Variants in RABGAP1L observed in about 807,000 individuals in gnomAD.
RABGAP1L encodes rab GTPase-activating protein 1-like.
In RABGAP1L, 63 loss-of-function variants were observed where a neutral mutation model predicts 137.7. That is an observed-to-expected ratio of 0.46 (90% CI 0.37 to 0.56). RABGAP1L has a LOEUF of 0.56. Ranked by LOEUF, RABGAP1L falls within the 20% of genes least tolerant of loss-of-function variation. The pLI is 0.00. For missense variants in RABGAP1L, 1,095 were observed against 1,244.0 expected (o/e 0.88, Z 1.80); for synonymous variants, 431 against 433.7 (o/e 0.99, Z 0.08).
chr1:174,712,219 A>G (rs1469508410), intron 17 of RABGAP1L, among the ~76,000 whole-genome samples: 2 of 152,198 alleles, frequency 1.3e-5, no homozygotes, highest in African/African-American at 4.8e-5. Context: ...AGAGAATAAA[A>G]GCAGGCTGCC....
chr1:174,827,366 G>A (rs924341992), intron 19 of RABGAP1L, among the ~76,000 whole-genome samples: 1 of 151,966 alleles, frequency 6.6e-6, no homozygotes, highest in African/African-American at 2.4e-5. Context: ...CCACCCTAAG[G>A]ACCCATTTTA....
chr1:174,340,294 T>G (rs1266878191), intron 11 of RABGAP1L, among the ~76,000 whole-genome samples: 1 of 152,226 alleles, frequency 6.6e-6, no homozygotes, highest in Non-Finnish European at 1.5e-5. Context: ...AATGTTATCC[T>G]TAGTTCTTCC....
chr1:174,457,724 A>T (rs531780175), intron 13 of RABGAP1L, among the ~76,000 whole-genome samples: 1 of 152,216 alleles, frequency 6.6e-6, no homozygotes, highest in Admixed American at 6.5e-5. Flanking sequence ...GCTGGTCTCA[A>T]ACTCCTGAAC....
At chr1:174,806,729 C>T (rs1354045879) in intron 18 of RABGAP1L, among the ~76,000 whole-genome samples, 1 of 152,224 alleles carries the variant, frequency 6.6e-6, no homozygotes, top group East Asian at 1.9e-4. Context: ...ATAAACAGCA[C>T]TACTACTTGT....
chr1:174,213,432 CA>C (rs1669054580), intron 1 of RABGAP1L, among the ~76,000 whole-genome samples: 1 of 151,916 alleles, frequency 6.6e-6, no homozygotes, highest in Non-Finnish European at 1.5e-5. Flanking sequence ...CAAACTATTC[CA>C]AAAAATAGAG....
At chr1:174,677,799 G>C (rs572085530) in intron 14 of RABGAP1L, among the ~76,000 whole-genome samples, 1 of 152,160 alleles carries the variant, frequency 6.6e-6, no homozygotes, top group African/African-American at 2.4e-5. Context: ...CAAGTTTATA[G>C]CTTTAAATGC....
At chr1:174,165,347 G>A (rs1023002086) in intron 1 of RABGAP1L, among the ~76,000 whole-genome samples, 1 of 152,074 alleles carries the variant, frequency 6.6e-6, no homozygotes, top group South Asian at 2.1e-4. Context: ...ACGGGGTTTC[G>A]CCATGTTGGC....
chr1:174,613,617 A>G (rs1288152056), intron 13 of RABGAP1L, among the ~76,000 whole-genome samples: 1 of 151,960 alleles, frequency 6.6e-6, no homozygotes, highest in Admixed American at 6.5e-5. Flanking sequence ...ATCCTTGTTA[A>G]CTTTCTGTCT....
At chr1:174,901,159 T>C (rs943835405) in intron 19 of RABGAP1L, among the ~76,000 whole-genome samples, 3 of 152,230 alleles carry the variant, frequency 2.0e-5, no homozygotes, top group African/African-American at 7.2e-5. Flanking sequence ...GTTATGTTCC[T>C]CTCTAACCTG....
intron 1 of RABGAP1L, among the ~76,000 whole-genome samples, chr1:174,172,365 C>T (rs1339291341): frequency 6.6e-6 from 1 of 152,062 alleles, no homozygotes. Flanking sequence ...TGGGTGTATA[C>T]CCAGCAGAGG....
chr1:174,210,498 A>C (rs1409357159), intron 1 of RABGAP1L, among the ~76,000 whole-genome samples: 1 of 152,246 alleles, frequency 6.6e-6, no homozygotes, highest in Admixed American at 6.5e-5. Context: ...AGCCGAAGGA[A>C]GAATTTGTGA....
At chr1:174,382,836 A>G (rs1223102037) in intron 12 of RABGAP1L, among the ~76,000 whole-genome samples, 1 of 151,908 alleles carries the variant, frequency 6.6e-6, no homozygotes, top group Non-Finnish European at 1.5e-5. Flanking sequence ...CTGGTGAGGA[A>G]CTGCGTTCCT....
chr1:174,867,534 C>T (rs1651485823), intron 19 of RABGAP1L, among the ~76,000 whole-genome samples: 1 of 152,130 alleles, frequency 6.6e-6, no homozygotes. Flanking sequence ...AATTGAATCT[C>T]CTGTCTTTTC....
At chr1:174,205,721 A>C (rs76132629) in intron 1 of RABGAP1L, among the ~76,000 whole-genome samples, 6,130 of 151,936 alleles carry the variant, frequency 0.04, 420 homozygotes, top group African/African-American at 0.14. Flanking sequence ...CAAAAAACCA[A>C]CTCCTGGATT....
intron 19 of RABGAP1L, among the ~76,000 whole-genome samples, chr1:174,885,513 G>A (rs1010967222): frequency 2.9e-4 from 43 of 150,056 alleles, no homozygotes; most frequent in Non-Finnish European, 4.4e-4. Flanking sequence ...GCATGTCACC[G>A]TGCCTGGCTA....
intron 12 of RABGAP1L, among the ~76,000 whole-genome samples, chr1:174,385,004 T>G (rs1355071385): frequency 1.3e-5 from 2 of 152,236 alleles, no homozygotes; most frequent in African/African-American, 4.8e-5. Context: ...GAATGTTACT[T>G]GACTAATTTG....
chr1:174,665,745 G>A (rs1300791931), intron 14 of RABGAP1L, among the ~76,000 whole-genome samples: 4 of 152,218 alleles, frequency 2.6e-5, no homozygotes, highest in South Asian at 2.1e-4. Context: ...GATTACTGGC[G>A]TGAGCCACTG....
chr1:174,750,013 G>T (rs1684219795), intron 17 of RABGAP1L, among the ~76,000 whole-genome samples: 1 of 152,086 alleles, frequency 6.6e-6, no homozygotes, highest in Admixed American at 6.5e-5. Flanking sequence ...GGGACTACAG[G>T]CGCCTGCCAC....
chr1:174,714,336 T>G (rs1418819483), intron 17 of RABGAP1L, among the ~76,000 whole-genome samples: 1 of 152,218 alleles, frequency 6.6e-6, no homozygotes, highest in Non-Finnish European at 1.5e-5. Context: ...TTTTATTTAT[T>G]GACTTACTTT....
Sources: gnomAD v4.1 joint callset for allele counts (sites outside exome capture counted in the v4.1 genomes callset) on GRCh38, gnomAD v4.1.1 for gene constraint, MANE v1.5 for transcripts, NCBI Gene and HGNC (gene_info 2026-07-23, HGNC 2026-07-21) for gene names.